The following KCND2 variants were observed in gnomAD, a reference collection of about 807,000 sequenced individuals.
The protein encoded by KCND2 is potassium voltage-gated channel subfamily D member 2.
Under a neutral mutation model 54.4 loss-of-function variants are expected in KCND2, and 16 were observed. The ratio of observed to expected loss-of-function variants is 0.29; its 90% CI spans 0.20 to 0.45. The LOEUF (loss-of-function observed/expected upper bound fraction) is 0.45. Ranked by LOEUF, KCND2 falls within the 20% of genes least tolerant of loss-of-function variation. The pLI, the probability that KCND2 is intolerant of heterozygous loss-of-function variation, is 1.00. For missense variants in KCND2, 486 were observed against 824.2 expected, an observed-to-expected ratio of 0.59 and a Z score of 5.02; for synonymous variants, 317 against 310.7, an observed-to-expected ratio of 1.02 and a Z score of -0.21.
intron 1 of KCND2, among the ~76,000 whole-genome samples, chr7:120,343,047 A>G (rs1213909870): frequency 6.6e-6 from 1 of 152,132 alleles, no homozygotes; most frequent in Non-Finnish European, 1.5e-5. Context: ...TCCTTGTTGA[A>G]TCCTCTGTAT....
chr7:120,329,257 G>T (rs1800028099), intron 1 of KCND2, among the ~76,000 whole-genome samples: 1 of 151,874 alleles, frequency 6.6e-6, no homozygotes, highest in Non-Finnish European at 1.5e-5. Flanking sequence ...GAGTAGCTGG[G>T]ATTACAGGTG....
chr7:120,542,885 T>C (rs1468193506), intron 1 of KCND2, among the ~76,000 whole-genome samples: 4 of 152,124 alleles, frequency 2.6e-5, no homozygotes, highest in African/African-American at 7.2e-5. Flanking sequence ...TAAATAGTTC[T>C]GTGATAGCAG....
intron 1 of KCND2, among the ~76,000 whole-genome samples, chr7:120,590,676 C>CT (rs1159371672): frequency 6.6e-6 from 1 of 152,166 alleles, no homozygotes; most frequent in Non-Finnish European, 1.5e-5. Flanking sequence ...AAAGCCACAT[C>CT]TTTTGTGAGG....
At chr7:120,553,346 G>C (rs535526651) in intron 1 of KCND2, among the ~76,000 whole-genome samples, 1 of 152,146 alleles carries the variant, frequency 6.6e-6, no homozygotes, top group East Asian at 1.9e-4. Context: ...TTTTATTAAG[G>C]CTAAATGACA....
chr7:120,718,808 T>C (rs1476587957), intron 1 of KCND2, among the ~76,000 whole-genome samples: 1 of 152,190 alleles, frequency 6.6e-6, no homozygotes, highest in Non-Finnish European at 1.5e-5. Context: ...ATAAATGAGA[T>C]AATTAACAGT....
chr7:120,609,766 C>T (rs1219168273), intron 1 of KCND2, among the ~76,000 whole-genome samples: 3 of 152,092 alleles, frequency 2.0e-5, no homozygotes. Context: ...ATACAGGGCC[C>T]CTTGTACAAA....
rs545115561 is a variant in KCND2 at position 120,397,651 on chromosome 7, G to A, written c.1115+121904G>A. Among the ~76,000 whole-genome samples the A allele has an allele frequency of 7.2e-5, 11 of 151,906 alleles. No homozygotes were observed. The East Asian group carries it at 1.9e-3, about 27-fold the overall frequency. On this transcript the variant is annotated intron_variant, in intron 1 of 5. Transcript: ENST00000331113. Reference sequence around the variant, plus strand: ...TCAAGGCCAAAGTCCAGTAAAAAGCGACAGGAAGTGTATATTCAGGTTGTA... The same window carrying A: ...TCAAGGCCAAAGTCCAGTAAAAAGCAACAGGAAGTGTATATTCAGGTTGTA...
chr7:120,282,034 T>A (rs1160473546), intron 1 of KCND2, among the ~76,000 whole-genome samples: 3 of 152,196 alleles, frequency 2.0e-5, no homozygotes, highest in Non-Finnish European at 4.4e-5. Context: ...AATTAATGGC[T>A]ACCAGTTGCC....
intron 1 of KCND2, among the ~76,000 whole-genome samples, chr7:120,460,431 C>T (rs2116237248): frequency 6.6e-6 from 1 of 152,176 alleles, no homozygotes; most frequent in South Asian, 2.1e-4. Context: ...CACTTTCTTG[C>T]ATCCTGATTA....
intron 1 of KCND2, among the ~76,000 whole-genome samples, chr7:120,391,755 A>G (rs1246228957): frequency 1.3e-5 from 2 of 151,524 alleles, no homozygotes; most frequent in Non-Finnish European, 2.9e-5. Flanking sequence ...CCACTTTTTG[A>G]TGTGGTTGTT....
intron 1 of KCND2, among the ~76,000 whole-genome samples, chr7:120,576,000 T>C (rs552832687): frequency 2.6e-3 from 60 of 22,706 alleles, no homozygotes; most frequent in African/African-American, 7.4e-3. Flanking sequence ...GTAGACAAAG[T>C]TGTATATCCT....
chr7:120,698,713 C>T (rs1792362553), intron 1 of KCND2, among the ~76,000 whole-genome samples: 1 of 152,110 alleles, frequency 6.6e-6, no homozygotes. Flanking sequence ...TAATGTCAGA[C>T]CCAAAAGGTA....
chr7:120,303,479 C>T (rs900712938), intron 1 of KCND2, among the ~76,000 whole-genome samples: 5 of 152,146 alleles, frequency 3.3e-5, no homozygotes, highest in African/African-American at 1.2e-4. Context: ...TATATGCTTT[C>T]TCCTAAAGTA....
chr7:120,276,663 AT>A (rs1445523069), intron 1 of KCND2, among the ~76,000 whole-genome samples: 1 of 152,084 alleles, frequency 6.6e-6, no homozygotes, highest in Non-Finnish European at 1.5e-5. Context: ...AAAGGGACAA[AT>A]TTCTGAATTC....
At chr7:120,404,582 G>A (rs925996970) in intron 1 of KCND2, among the ~76,000 whole-genome samples, 1 of 152,142 alleles carries the variant, frequency 6.6e-6, no homozygotes, top group Non-Finnish European at 1.5e-5. Flanking sequence ...CTTGTTTCCT[G>A]TTAGTCCTGA....
chr7:120,626,467 A>G (rs376090186), intron 1 of KCND2, among the ~76,000 whole-genome samples: 4 of 152,328 alleles, frequency 2.6e-5, no homozygotes, highest in African/African-American at 9.6e-5. Flanking sequence ...GTACTCACCA[A>G]AATGATTCCT....
chr7:120,562,684 G>A (rs1013030269), intron 1 of KCND2, among the ~76,000 whole-genome samples: 4 of 152,100 alleles, frequency 2.6e-5, no homozygotes, highest in African/African-American at 9.7e-5. Context: ...CTCTTAAGGG[G>A]AAATTATTTG....
chr7:120,732,799 A>G (rs1362231152), intron 1 of KCND2, 104 bp from the exon 2 acceptor site: 2 of 836,078 alleles, frequency 2.4e-6, no homozygotes, highest in Non-Finnish European at 3.9e-6. Context: ...AGAAATAGAT[A>G]TGTCCAAAAA....
At chr7:120,615,720 T>G (rs549620568) in intron 1 of KCND2, among the ~76,000 whole-genome samples, 2 of 152,332 alleles carry the variant, frequency 1.3e-5, no homozygotes, top group Admixed American at 1.3e-4. Flanking sequence ...CTGCCTGTGT[T>G]AACCAGAATT....
Sources: gnomAD v4.1 joint callset for allele counts (sites outside exome capture counted in the v4.1 genomes callset) on GRCh38, gnomAD v4.1.1 for gene constraint, MANE v1.5 for transcripts, NCBI Gene and HGNC (gene_info 2026-07-23, HGNC 2026-07-21) for gene names.